Variants in DNAH6 observed in about 807,000 individuals in gnomAD.
DNAH6 encodes the protein dynein axonemal heavy chain 6, also known as axonemal beta dynein heavy chain 6.
In DNAH6, 340 loss-of-function variants were observed where a neutral mutation model predicts 491.4. The ratio of observed to expected loss-of-function variants is 0.69; its 90% confidence interval spans 0.63 to 0.76. The LOEUF is 0.76. Ranked by LOEUF, DNAH6 falls within the 30% of genes least tolerant of loss-of-function variation. The probability of loss-of-function intolerance (pLI) is 0.00; values close to 1 mark genes in which losing one functional copy is unlikely to be tolerated. For missense variants in DNAH6, 4,443 were observed against 4,972.2 expected, an observed-to-expected ratio of 0.89 and a Z score of 3.20; for synonymous variants, 1,603 against 1,686.1, an observed-to-expected ratio of 0.95 and a Z score of 1.21.
intron 11 of DNAH6, among the ~76,000 whole-genome samples, chr2:84,559,541 T>C (rs1432505367): frequency 6.6e-6 from 1 of 152,144 alleles, no homozygotes; most frequent in Non-Finnish European, 1.5e-5. Context: ...AGCAAGACTC[T>C]GTCTCAAGAA....
At chr2:84,556,273 C>T (rs541170156) in intron 10 of DNAH6, among the ~76,000 whole-genome samples, 31 of 152,292 alleles carry the variant, frequency 2.0e-4, no homozygotes, top group Non-Finnish European at 7.3e-5. Flanking sequence ...GGGTAGTACC[C>T]GGTCACAGTT....
chr2:84,808,334 T>C, intron 71 of DNAH6, 81 bp from the exon 72 acceptor site: 3 of 1,385,030 alleles, frequency 2.2e-6, no homozygotes, highest in Non-Finnish European at 2.8e-6. Context: ...TTAAAAATGT[T>C]AAGATAAGCA....
the DNAH6 span, among the ~76,000 whole-genome samples, chr2:84,463,865 C>T: frequency 2.0e-5 from 3 of 152,096 alleles, no homozygotes; most frequent in East Asian, 5.8e-4. Context: ...GTGTGGAATC[C>T]AGTCAGAGCA....
chr2:84,546,390 A>C (rs1348560754), intron 5 of DNAH6, among the ~76,000 whole-genome samples: 1 of 152,210 alleles, frequency 6.6e-6, no homozygotes, highest in Admixed American at 6.5e-5. Flanking sequence ...TATTGTTTAG[A>C]AAATAATGAC....
intron 10 of DNAH6, among the ~76,000 whole-genome samples, chr2:84,554,098 A>G (rs146537017): frequency 1.4e-4 from 22 of 152,144 alleles, no homozygotes; most frequent in Non-Finnish European, 2.5e-4. Flanking sequence ...CATGTGGCCC[A>G]CTCTCTAGGC....
At chr2:84,701,961 A>T (rs553388081) in intron 49 of DNAH6, among the ~76,000 whole-genome samples, 1 of 152,046 alleles carries the variant, frequency 6.6e-6, no homozygotes, top group Non-Finnish European at 1.5e-5. Flanking sequence ...AATTATATAT[A>T]TTTTCCTTCT....
At position 84,719,492 on chromosome 2, in the gene DNAH6, T is replaced by TG. The variant is rs889296497; in HGVS notation, c.9792+1109dup. 9.9e-4 allele frequency among the ~76,000 whole-genome samples: 142 copies of TG among 144,056 alleles called. 1 individual carries two copies. The highest frequency in any genetic ancestry group is 3.4e-3 in the African/African-American group (127 of 37,900). 94.5% of individuals were successfully genotyped at this position (144,056 alleles called of 152,430 possible). On this transcript the variant is annotated intron_variant, in intron 59 of 76. Transcript: ENST00000389394. ...CACAGAGGCAGCTCTCTTGAGTTTT[T>TG]GTTTTTTTTGTTTTTTATTTTGTTT... is the stretch of plus-strand genomic sequence containing the variant.
intron 11 of DNAH6, among the ~76,000 whole-genome samples, chr2:84,570,221 C>T (rs1404151681): frequency 2.0e-5 from 3 of 152,176 alleles, no homozygotes; most frequent in Non-Finnish European, 4.4e-5. Flanking sequence ...CAAAAAGCCA[C>T]CTCGAAGGGT....
intron 55 of DNAH6, among the ~76,000 whole-genome samples, chr2:84,709,988 T>C (rs1222538739): frequency 6.6e-6 from 1 of 152,146 alleles, no homozygotes; most frequent in Non-Finnish European, 1.5e-5. Flanking sequence ...TTGTACTAAA[T>C]AGGGTTTGGA....
chr2:84,781,823 A>T (rs550460465), intron 65 of DNAH6, among the ~76,000 whole-genome samples, 170 bp downstream of exon 65: 31 of 152,348 alleles, frequency 2.0e-4, no homozygotes, highest in Admixed American at 9.2e-4. Context: ...CCAGGGTTTG[A>T]TAAAAGGCCT....
chr2:84,536,281 T>C (rs1677682769), intron 4 of DNAH6, among the ~76,000 whole-genome samples: 1 of 152,052 alleles, frequency 6.6e-6, no homozygotes, highest in Non-Finnish European at 1.5e-5. Context: ...AGTTCTTAGT[T>C]ACACACCTGG....
chr2:84,462,704 T>A, the DNAH6 span, among the ~76,000 whole-genome samples: 1 of 152,162 alleles, frequency 6.6e-6, no homozygotes, highest in Non-Finnish European at 1.5e-5. Flanking sequence ...GAGTCCACCT[T>A]AGTTAGCTAG....
chr2:84,506,981 A>G, the DNAH6 span, among the ~76,000 whole-genome samples: 1 of 152,156 alleles, frequency 6.6e-6, no homozygotes, highest in Non-Finnish European at 1.5e-5. Context: ...CTTGTAGTGT[A>G]GTTTGAAGTC....
intron 72 of DNAH6, 114 bp downstream of exon 72, chr2:84,808,656 C>G: frequency 9.5e-7 from 1 of 1,057,622 alleles, no homozygotes; most frequent in African/African-American, 1.6e-5. Flanking sequence ...GATACACTAA[C>G]AACTCTTCAA....
At chr2:84,577,148 T>C (rs988393311) in intron 12 of DNAH6, 109 bp from the exon 13 acceptor site, 25 of 612,846 alleles carry the variant, frequency 4.1e-5, no homozygotes, top group South Asian at 1.5e-4. Flanking sequence ...AATAACATTA[T>C]ACATATATGT....
At chr2:84,720,329 A>G (rs1362297035) in intron 59 of DNAH6, among the ~76,000 whole-genome samples, 4 of 110,762 alleles carry the variant, frequency 3.6e-5, no homozygotes, top group Non-Finnish European at 6.7e-5. Context: ...CCCAGGCTGG[A>G]GTGCAGTGGC....
chr2:84,476,643 C>T, the DNAH6 span, among the ~76,000 whole-genome samples: 16 of 152,180 alleles, frequency 1.1e-4, no homozygotes, highest in African/African-American at 3.6e-4. Flanking sequence ...TTATTAGCGC[C>T]CACATTGACC....
intron 33 of DNAH6, among the ~76,000 whole-genome samples, chr2:84,644,663 C>A (rs1190050954): frequency 6.6e-6 from 1 of 152,122 alleles, no homozygotes; most frequent in Non-Finnish European, 1.5e-5. Context: ...CATCATTTAG[C>A]TCCTACTTAT....
At chr2:84,589,167 C>A (rs1279321112) in intron 16 of DNAH6, among the ~76,000 whole-genome samples, 2 of 152,164 alleles carry the variant, frequency 1.3e-5, no homozygotes, top group Non-Finnish European at 2.9e-5. Context: ...GAATATCTTT[C>A]TTATTAAAAT....
Sources: allele counts gnomAD v4.1 joint callset (sites outside exome capture counted in the v4.1 genomes callset), GRCh38; gene constraint gnomAD v4.1.1; transcripts MANE v1.5; gene names NCBI Gene and HGNC (gene_info 2026-07-23, HGNC 2026-07-21).